TEKT3: variants seen among roughly 807,000 people sequenced by gnomAD.
TEKT3 encodes tektin 3, also known as tektin-3.
TEKT3 carries 49 observed loss-of-function variants against 49.8 expected under a neutral mutation model. The observed-to-expected ratio is 0.98, with a 90% CI of 0.78 to 1.25. The LOEUF (loss-of-function observed/expected upper bound fraction) is 1.25, where lower values mean the gene tolerates loss of function less well. Ranked by LOEUF, TEKT3 falls within the 50% of genes most tolerant of loss-of-function variation. TEKT3 has a pLI of 0.00. For synonymous variants in TEKT3, 225 were observed against 237.2 expected, an observed-to-expected ratio of 0.95 and a Z score of 0.47; for missense variants, 595 against 629.5, an observed-to-expected ratio of 0.95 and a Z score of 0.59.
chr17:15,319,021 A>T (rs1597664156), intron 5 of TEKT3, 56 bp downstream of exon 5: 1 of 1,392,012 alleles, frequency 7.2e-7, no homozygotes, highest in East Asian at 2.3e-5. Flanking sequence ...AATGAGGAGC[A>T]TGAAAGTATA....
rs1911300971 is a variant in TEKT3, at chr17:15,322,273, A to G, written c.664-3126T>C. 2.0e-5 allele frequency among the ~76,000 whole-genome samples: 3 copies of G among 152,370 alleles called. No homozygotes were observed. The South Asian group carries it at 6.2e-4, about 32-fold the overall frequency. ...CAAAAGCCACAAGCTTCGGCGTCAG[A>G]CAGCCCTGGTTCACATGTCTTTGCT... On this transcript the variant is annotated intron_variant, in intron 4 of 8. Transcript: ENST00000395930.
At chr17:15,322,917 T>C (rs531718333) in intron 4 of TEKT3, among the ~76,000 whole-genome samples, 19 of 152,354 alleles carry the variant, frequency 1.2e-4, no homozygotes, top group African/African-American at 4.3e-4. Flanking sequence ...AGGCATTTCC[T>C]TTCATTAGAG....
upstream of TEKT3, chr17:15,341,773 G>A (rs1329397137): frequency 6.6e-6 from 1 of 152,332 alleles, no homozygotes; most frequent in Non-Finnish European, 1.5e-5. Flanking sequence ...TACTATGGAC[G>A]CGCTCACGCT....
At chr17:15,340,247 T>C (rs1190694068) in intron 1 of TEKT3, among the ~76,000 whole-genome samples, 186 bp from the exon 2 acceptor site, 11 of 152,056 alleles carry the variant, frequency 7.2e-5, no homozygotes, top group Non-Finnish European at 1.5e-4. Flanking sequence ...AACCATTCTA[T>C]CAACTTAAAA....
chr17:15,332,007 C>T (rs1056503720), intron 2 of TEKT3, among the ~76,000 whole-genome samples: 1 of 151,718 alleles, frequency 6.6e-6, no homozygotes, highest in Non-Finnish European at 1.5e-5. Context: ...GACGAAATGT[C>T]GTCTCTGTTA....
Position 15,312,406 on chromosome 17 carries a change from G to T in TEKT3, c.954C>A (p.Ser318=), listed in dbSNP as rs541738907. ...ILRSQSERAA[S]AKLRDDIENL... is the part of the protein sequence containing the mutation. Reference sequence around the variant, plus strand: ...TTTCAATGTCGTCTCTTAGCTTAGCGGAAGCTGCCCGTTCACTCTGGGAGC... The same window carrying T: ...TTTCAATGTCGTCTCTTAGCTTAGCTGAAGCTGCCCGTTCACTCTGGGAGC... The change falls in exon 7 of 9, where the codon TCC becomes TCA. Residue 318 remains serine (S), a synonymous_variant. Coordinates refer to ENST00000395930, the MANE Select transcript of TEKT3 (RefSeq NM_031898.3). The T allele has an allele frequency of 6.2e-7, 1 of 1,614,186 alleles. No homozygotes were observed. The highest frequency in any genetic ancestry group is 1.3e-5 in the African/African-American group (1 of 75,050).
Position 15,328,018 on chromosome 17 carries a change from C to T in TEKT3, c.637G>A (p.Asp213Asn), listed in dbSNP as rs896973676. The change falls in exon 4 of 9, where the codon GAT becomes AAT. Residue 213 changes from aspartate (D) to asparagine (N), a missense_variant. Transcript: ENST00000395930. ...EKRMGIDLVHDEVEAQLLTEV... is the reference protein window; with the variant it reads ...EKRMGIDLVHNEVEAQLLTEV... ...GTCAGCAGTTGTGCTTCAACTTCAT[C>T]GTGAACTAGGTCGATTCCCATTCTC... The T allele has an allele frequency of 1.3e-5, 21 of 1,613,918 alleles. No individual in the cohort carries two copies. Among genetic ancestry groups the T allele is most frequent in the East Asian group, 2.2e-5 (1 of 44,876 alleles).
At chr17:15,333,461 T>A (rs1391233154) in intron 2 of TEKT3, among the ~76,000 whole-genome samples, 1 of 152,174 alleles carries the variant, frequency 6.6e-6, no homozygotes, top group East Asian at 1.9e-4. Context: ...TCTTCCTTCC[T>A]ACGGCCCCCA....
At chr17:15,335,297 G>A (rs1463061966) in intron 2 of TEKT3, among the ~76,000 whole-genome samples, 2 of 152,238 alleles carry the variant, frequency 1.3e-5, no homozygotes, top group African/African-American at 4.8e-5. Flanking sequence ...TCTTTGCTGA[G>A]AATAGGCTGC....
chr17:15,324,543 C>T (rs1035142132), intron 4 of TEKT3, among the ~76,000 whole-genome samples: 1 of 152,270 alleles, frequency 6.6e-6, no homozygotes, highest in South Asian at 2.1e-4. Flanking sequence ...ATTTTACACT[C>T]CCATCAGCAA....
intron 8 of TEKT3, among the ~76,000 whole-genome samples, chr17:15,306,087 ATATG>A (rs1405088387): frequency 3.5e-4 from 45 of 128,568 alleles, no homozygotes; most frequent in African/African-American, 1.3e-3. Context: ...TTATTTATAT[ATATG>A]TGTGTGTGTG....
intron 2 of TEKT3, among the ~76,000 whole-genome samples, chr17:15,333,569 C>T (rs1911862199): frequency 1.3e-5 from 2 of 151,990 alleles, no homozygotes; most frequent in Admixed American, 6.6e-5. Flanking sequence ...TTAAACATTA[C>T]TTTTTGAAAA....
intron 2 of TEKT3, among the ~76,000 whole-genome samples, chr17:15,336,298 C>T (rs546339686): frequency 9.1e-4 from 138 of 152,182 alleles, no homozygotes; most frequent in Non-Finnish European, 1.8e-3. Context: ...CTACCCAAAC[C>T]AGAAGACAAA....
chr17:15,343,031 T>C (rs1912281570), upstream of TEKT3, among the ~76,000 whole-genome samples: 1 of 152,250 alleles, frequency 6.6e-6, no homozygotes, highest in Non-Finnish European at 1.5e-5. Flanking sequence ...CCGTAGACAA[T>C]GCAGCAAATG....
At chr17:15,336,175 T>C (rs1417635104) in intron 2 of TEKT3, among the ~76,000 whole-genome samples, 1 of 151,732 alleles carries the variant, frequency 6.6e-6, no homozygotes, top group Non-Finnish European at 1.5e-5. Flanking sequence ...CCAAGGCTCA[T>C]AATCAAAATG....
At position 15,304,189 on chromosome 17, in the gene TEKT3, T is replaced by A. The variant is rs747716751; in HGVS notation, c.1257-37A>T. On this transcript the variant is annotated intron_variant, in intron 8 of 8. Coordinates refer to ENST00000395930, the MANE Select transcript of TEKT3 (RefSeq NM_031898.3). The surrounding 1 kb of genome is among the most constrained non-coding windows in gnomAD (Gnocchi z 4.7). The stretch of plus-strand genomic sequence containing the variant: ...AGGAATCAGCATGGTTAGGTCAGCA[T>A]GTAGCTTACGCAACTCCAAGTACAT... 1 of 1,607,446 alleles carries A rather than the reference T, an allele frequency of 6.2e-7. No homozygotes were observed. The highest frequency in any genetic ancestry group is 8.5e-7 in the Non-Finnish European group (1 of 1,174,278).
intron 7 of TEKT3, among the ~76,000 whole-genome samples, chr17:15,309,342 T>G (rs1361760597): frequency 1.3e-5 from 2 of 152,194 alleles, no homozygotes; most frequent in African/African-American, 4.8e-5. Context: ...GAATCAGGCT[T>G]CAGTTTCAGG....
chr17:15,329,058 C>G (rs1158734600), intron 3 of TEKT3, among the ~76,000 whole-genome samples: 1 of 152,110 alleles, frequency 6.6e-6, no homozygotes, highest in Non-Finnish European at 1.5e-5. Flanking sequence ...AAACTGCTTC[C>G]CAGGAAATTT....
intron 6 of TEKT3, 143 bp from the exon 7 acceptor site, chr17:15,312,624 G>T: frequency 1.5e-6 from 1 of 677,990 alleles, no homozygotes; most frequent in Non-Finnish European, 2.4e-6. Context: ...ATCAGAATGA[G>T]GCTTATTTTC....
Sources: allele counts gnomAD v4.1 joint callset (sites outside exome capture counted in the v4.1 genomes callset), GRCh38; gene constraint gnomAD v4.1.1; non-coding constraint Gnocchi (gnomAD v3.1); transcripts MANE v1.5; gene names NCBI Gene and HGNC (gene_info 2026-07-23, HGNC 2026-07-21).